SYNE1: variants seen among roughly 807,000 people sequenced by gnomAD.
SYNE1 encodes spectrin repeat containing nuclear envelope protein 1, also known as nesprin-1.
Under a neutral mutation model 1,111.0 loss-of-function variants are expected in SYNE1, and 616 were observed. That is an observed-to-expected ratio of 0.55 (90% confidence interval 0.52 to 0.59). The LOEUF (loss-of-function observed/expected upper bound fraction) is 0.59, where lower values mean the gene tolerates loss of function less well. Ranked by LOEUF, SYNE1 falls within the 20% of genes least tolerant of loss-of-function variation. The pLI is 0.00. For missense variants in SYNE1, 10,006 were observed against 10,417.0 expected, an observed-to-expected ratio of 0.96 and a Z score of 1.72; for synonymous variants, 3,855 against 3,825.8, an observed-to-expected ratio of 1.01 and a Z score of -0.28.
rs190747233 is a variant in SYNE1, at chr6:152,267,429, G to A, written c.18815+627C>T. Among the ~76,000 whole-genome samples, 15 of 152,240 alleles carry A rather than the reference G, an allele frequency of 9.9e-5. No individual in the cohort carries two copies. In the East Asian group the frequency reaches 2.7e-3, roughly 27 times the overall value. On this transcript the variant is annotated intron_variant, in intron 100 of 145. Coordinates refer to ENST00000367255, the MANE Select transcript of SYNE1 (RefSeq NM_182961.4). ...GATTATTATTCTAAATTCTACAGAG[G>A]AGGCTCACAGTCGAGTGACTTTTCC...
intron 87 of SYNE1, 59 bp from the exon 88 acceptor site, chr6:152,310,932 C>G: frequency 6.4e-7 from 1 of 1,552,410 alleles, no homozygotes; most frequent in Non-Finnish European, 8.8e-7. Flanking sequence ...TATAGATATT[C>G]AATATAGCTT....
chr6:152,165,150 G>C (rs2063383110), intron 130 of SYNE1, among the ~76,000 whole-genome samples: 1 of 151,966 alleles, frequency 6.6e-6, no homozygotes, highest in Non-Finnish European at 1.5e-5. Flanking sequence ...ACAGTCAGTG[G>C]AGGGTGCTTT....
chr6:152,243,621 T>G (rs1181741572), intron 106 of SYNE1, among the ~76,000 whole-genome samples: 2 of 151,994 alleles, frequency 1.3e-5, no homozygotes, highest in Non-Finnish European at 2.9e-5. Context: ...GTGGGGGAGG[T>G]GGGCTTATGA....
chr6:152,263,967 G>A (rs995448534), intron 100 of SYNE1, among the ~76,000 whole-genome samples: 1 of 151,862 alleles, frequency 6.6e-6, no homozygotes, highest in African/African-American at 2.4e-5. Flanking sequence ...CCAGCACTTT[G>A]GGAGGCCAAG....
intron 145 of SYNE1, among the ~76,000 whole-genome samples, chr6:152,124,707 T>C (rs1213345736): frequency 6.6e-6 from 1 of 152,026 alleles, no homozygotes. Flanking sequence ...AAAAAAAGTA[T>C]ATTTTGTGAA....
intron 137 of SYNE1, 155 bp from the exon 138 acceptor site, chr6:152,143,920 G>A (rs1006507983): frequency 1.2e-5 from 13 of 1,084,852 alleles, no homozygotes; most frequent in African/African-American, 4.7e-5. Context: ...CCATCGTGCC[G>A]GTGGGTTAGA....
intron 106 of SYNE1, among the ~76,000 whole-genome samples, chr6:152,243,123 A>C (rs1206256104): frequency 6.6e-6 from 1 of 152,236 alleles, no homozygotes; most frequent in Non-Finnish European, 1.5e-5. Context: ...AGTTTATGAT[A>C]AGATGTGGGG....
At position 152,188,985 on chromosome 6, in the gene SYNE1, ATATATATATATATATATAT is replaced by A. The variant is rs1304328458; in HGVS notation, c.23301+248_23301+266del. Reference sequence around the variant, plus strand: ...AAAAAAAAAAAAAAAAAAAAAAAAAATATATATATATATATATATATATATATATATATAAAATGCCAGC... The same window carrying A: ...AAAAAAAAAAAAAAAAAAAAAAAAAAATATATATATATATAAAATGCCAGC... On this transcript the variant is annotated intron_variant, in intron 128 of 145. Coordinates refer to ENST00000367255, the MANE Select transcript of SYNE1 (RefSeq NM_182961.4). Among the ~76,000 whole-genome samples, 122 of 14,788 alleles carry A rather than the reference ATATATATATATATATATAT, an allele frequency of 8.2e-3. 1 individual carries two copies. The highest frequency in any genetic ancestry group is 0.024 in the African/African-American group (108 of 4,436). The allele number at this position is 14,788 out of a possible 152,430, so 9.7% of individuals were successfully genotyped here. A position where few individuals can be genotyped will look rare whatever the true frequency, so the allele number is the denominator to read the frequency against.
At chr6:152,397,524 G>A (rs905042108) in intron 49 of SYNE1, among the ~76,000 whole-genome samples, 8 of 152,060 alleles carry the variant, frequency 5.3e-5, no homozygotes, top group African/African-American at 1.7e-4. Context: ...TCCTTGTGGC[G>A]TTTGCTACAC....
intron 100 of SYNE1, among the ~76,000 whole-genome samples, chr6:152,263,742 C>G (rs1484995824): frequency 3.9e-5 from 6 of 151,910 alleles, no homozygotes; most frequent in Non-Finnish European, 8.8e-5. Context: ...ATGACCCTCC[C>G]TCTAGCACAT....
Position 152,323,581 on chromosome 6 carries a change from GC to G in SYNE1, c.15813del (p.Arg5272GlyfsTer5), listed in dbSNP as rs1269240558. On this transcript the variant is annotated frameshift_variant, in exon 82 of 146. Coordinates refer to ENST00000367255, the MANE Select transcript of SYNE1 (RefSeq NM_182961.4). LOFTEE classifies it high-confidence loss of function. ...LEQQQSALGM[L>X]RQQTLSMLQD... is the part of the protein sequence containing the mutation. ...TGGAGCATGCTCAGGGTTTGCTGCC[GC>G]AGCATGCCCAAGGCCGACTGCTGCT... 6.2e-7 allele frequency: 1 copy of G among 1,614,082 alleles called. No individual in the cohort carries two copies. The highest frequency in any genetic ancestry group is 1.3e-5 in the African/African-American group (1 of 74,930).
intron 101 of SYNE1, 68 bp from the exon 102 acceptor site, chr6:152,256,833 T>C (rs1038288835): frequency 5.6e-6 from 9 of 1,600,484 alleles, no homozygotes; most frequent in African/African-American, 4.0e-5. Context: ...CATTTGGAAA[T>C]GCATACTGAA....
chr6:152,355,202 C>A (rs2096815518), intron 66 of SYNE1, among the ~76,000 whole-genome samples: 1 of 151,936 alleles, frequency 6.6e-6, no homozygotes. Context: ...ACACACACAC[C>A]CCAATATTTT....
rs376599363 is a variant in SYNE1 at position 152,592,953 on chromosome 6, CACCTG to C, written c.67+35307_67+35311del. On this transcript the variant is annotated intron_variant, in intron 3 of 145. Coordinates refer to ENST00000367255, the MANE Select transcript of SYNE1 (RefSeq NM_182961.4). Reference sequence around the variant, plus strand: ...ACAGCAGCCTGGCTGGGGCAGTTCCCACCTGAGCTCCTGGGGTGGGCTCTGACCAC... The same window carrying C: ...ACAGCAGCCTGGCTGGGGCAGTTCCCAGCTCCTGGGGTGGGCTCTGACCAC... 2.8e-3 allele frequency among the ~76,000 whole-genome samples: 432 copies of C among 152,290 alleles called. 3 individuals are homozygous for C. The highest frequency in any genetic ancestry group is 9.5e-3 in the African/African-American group (395 of 41,542).
intron 101 of SYNE1, 88 bp downstream of exon 101, chr6:152,261,944 A>G: frequency 8.7e-7 from 1 of 1,146,760 alleles, no homozygotes. Flanking sequence ...TTGATCATGA[A>G]AATTAAGTTG....
intron 73 of SYNE1, 59 bp downstream of exon 73, chr6:152,347,000 G>A: frequency 6.3e-7 from 1 of 1,596,000 alleles, no homozygotes; most frequent in Non-Finnish European, 8.6e-7. Context: ...AAAGTCTCTA[G>A]ACTGCACAGC....
At chr6:152,302,200 C>A in intron 91 of SYNE1, 137 bp from the exon 92 acceptor site, 1 of 1,152,142 alleles carries the variant, frequency 8.7e-7, no homozygotes, top group Admixed American at 1.9e-5. Flanking sequence ...GTGTAGGCGG[C>A]GAGTCCTCCT....
intron 3 of SYNE1, among the ~76,000 whole-genome samples, chr6:152,551,474 C>T (rs555244929): frequency 3.9e-5 from 6 of 152,288 alleles, no homozygotes; most frequent in East Asian, 3.9e-4. Flanking sequence ...ATGTACCAGC[C>T]GTTCTGCTGA....
At chr6:152,318,332 A>C (rs1398584498) in intron 85 of SYNE1, 69 bp from the exon 86 acceptor site, 3 of 1,568,112 alleles carry the variant, frequency 1.9e-6, no homozygotes, top group Non-Finnish European at 2.6e-6. Flanking sequence ...TCCCGAGATC[A>C]GACTGATTTT....
Sources: gnomAD v4.1 joint callset for allele counts (sites outside exome capture counted in the v4.1 genomes callset) on GRCh38, gnomAD v4.1.1 for gene constraint, MANE v1.5 for transcripts, NCBI Gene and HGNC (gene_info 2026-07-23, HGNC 2026-07-21) for gene names.